The following DOP1A variants were observed in gnomAD, a reference collection of about 807,000 sequenced individuals.
The protein encoded by DOP1A is protein DOP1A.
In DOP1A, 90 loss-of-function variants were observed where a neutral mutation model predicts 267.6. The observed-to-expected ratio is 0.34, with a 90% CI of 0.28 to 0.40. The LOEUF (loss-of-function observed/expected upper bound fraction) is 0.40, where lower values mean the gene tolerates loss of function less well. Ranked by LOEUF, DOP1A falls within the 10% of genes least tolerant of loss-of-function variation. The pLI is 1.00. For synonymous variants in DOP1A, 932 were observed against 999.1 expected, an observed-to-expected ratio of 0.93 and a Z score of 1.27; for missense variants, 2,437 against 2,900.4, an observed-to-expected ratio of 0.84 and a Z score of 3.67.
intron 7 of DOP1A, among the ~76,000 whole-genome samples, chr6:83,117,330 T>C (rs1352565082): frequency 6.6e-6 from 1 of 151,794 alleles, no homozygotes. Context: ...TTTTGTAATT[T>C]TAGTAGAGAT....
At chr6:83,128,799 T>G in intron 15 of DOP1A, 88 bp from the exon 16 acceptor site, 1 of 1,440,514 alleles carries the variant, frequency 6.9e-7, no homozygotes, top group Non-Finnish European at 9.2e-7. Flanking sequence ...TTGTGAATAG[T>G]CTAAAACATC....
intron 17 of DOP1A, among the ~76,000 whole-genome samples, chr6:83,131,272 C>T (rs1583044505): frequency 6.6e-6 from 1 of 151,938 alleles, no homozygotes; most frequent in South Asian, 2.1e-4. Flanking sequence ...GTTTAAAAAT[C>T]TGATTTCAAG....
In DOP1A at chr6:83,133,741, A is replaced by T. The variant is rs113868190; in HGVS notation, c.2770-446A>T. ...ATTTTTGAGTCAAACCAGCTTTATA[A>T]GTGATGAAAAACTCATTTGGGATTA... On this transcript the variant is annotated intron_variant, in intron 18 of 38. Transcript: ENST00000349129. Among the ~76,000 whole-genome samples, 402 of 152,218 alleles carry T rather than the reference A, an allele frequency of 2.6e-3. 2 individuals carry two copies. The highest frequency in any genetic ancestry group is 9.3e-3 in the African/African-American group (385 of 41,552).
At chr6:83,107,617 G>A (rs1290632052) in intron 4 of DOP1A, among the ~76,000 whole-genome samples, 2 of 152,204 alleles carry the variant, frequency 1.3e-5, no homozygotes, top group African/African-American at 4.8e-5. Context: ...AGAATGATAA[G>A]TGTTTTAGTA....
chr6:83,093,784 T>C (rs58212160), intron 1 of DOP1A, among the ~76,000 whole-genome samples: 2,400 of 152,226 alleles, frequency 0.016, 77 homozygotes, highest in African/African-American at 0.054. Context: ...CAGGTGCCTG[T>C]AATCCCAGCT....
chr6:83,079,566 G>GT (rs1767719653), intron 1 of DOP1A, among the ~76,000 whole-genome samples: 1 of 152,086 alleles, frequency 6.6e-6, no homozygotes, highest in African/African-American at 2.4e-5. Context: ...CAACTCTGTA[G>GT]TAAGTTAATA....
chr6:83,140,584 T>C (rs769602516), intron 23 of DOP1A, among the ~76,000 whole-genome samples, 181 bp downstream of exon 23: 4 of 152,194 alleles, frequency 2.6e-5, no homozygotes, highest in Non-Finnish European at 5.9e-5. Context: ...TTTTTAAGTA[T>C]ACAATTCAGT....
intron 21 of DOP1A, among the ~76,000 whole-genome samples, chr6:83,139,678 C>T (rs1164130026): frequency 6.6e-6 from 1 of 152,066 alleles, no homozygotes; most frequent in African/African-American, 2.4e-5. Context: ...TTAGTTTCTA[C>T]ATGTAAAATA....
chr6:83,068,425 G>A (rs1029917659), intron 1 of DOP1A, among the ~76,000 whole-genome samples: 1 of 152,178 alleles, frequency 6.6e-6, no homozygotes, highest in East Asian at 1.9e-4. Flanking sequence ...TACCCTGAGG[G>A]GGGCGGGGAA....
At chr6:83,112,970 A>G (rs1056474963) in intron 6 of DOP1A, among the ~76,000 whole-genome samples, 2 of 152,212 alleles carry the variant, frequency 1.3e-5, no homozygotes, top group African/African-American at 4.8e-5. Context: ...CCATTAAGAA[A>G]TGAAGCTCTT....
Position 83,122,848 on chromosome 6 carries a change from TTTCTC to T in DOP1A, c.1221-12_1221-8del. On this transcript the variant is annotated splice_polypyrimidine_tract_variant and intron_variant, in intron 11 of 38. Transcript: ENST00000349129. ...TAATATTTTTTAGTTTTTGTTTTCT[TTTCTC>T]TTTTTTCAGTAAATTAAGAGAAAAT... 1 of 1,440,410 alleles carries T rather than the reference TTTCTC, an allele frequency of 6.9e-7. No homozygotes were observed. Among genetic ancestry groups the T allele is most frequent in the Non-Finnish European group, 9.2e-7 (1 of 1,091,516 alleles). The allele number at this position is 1,440,410 out of a possible 1,614,324, so 89.2% of individuals were successfully genotyped here.
intron 10 of DOP1A, 35 bp from the exon 11 acceptor site, chr6:83,121,894 AT>A (rs1332630755): frequency 5.7e-6 from 9 of 1,580,482 alleles, no homozygotes; most frequent in Non-Finnish European, 6.9e-6. Context: ...GCTCATGCTG[AT>A]TAATTACTGT....
At position 83,137,527 on chromosome 6, in the gene DOP1A, G is replaced by A; in HGVS notation, c.3485G>A (p.Ser1162Asn). ...TTTGACCTGATATGTAAAGTTGTAA[G>A]TGGCCTCGAAGTGGAATCTGCATCA... ...VVFDLICKVV[S>N]GLEVESASVT... The change falls in exon 21 of 39, where the codon AGT (serine) becomes AAT (asparagine). Residue 1162 changes from serine to asparagine, a missense_variant. By Grantham distance (46) the Ser-to-Asn change is conservative. This residue lies in a region of DOP1A where 878 missense variants were observed against 992.9 expected (regional missense o/e 0.88). Transcript: ENST00000349129. 6.2e-7 allele frequency: 1 copy of A among 1,613,822 alleles called. No homozygotes were observed. Among genetic ancestry groups the A allele is most frequent in the Non-Finnish European group, 8.5e-7 (1 of 1,179,860 alleles).
rs111581421 is a variant in DOP1A at position 83,131,653 on chromosome 6, A to G, written c.2617-523A>G. ...TCTGGGCCCTGCAGAAAACATTTAC[A>G]TGTCTGATTTTTTTTTTTTCGAGAT... On this transcript the variant is annotated intron_variant, in intron 17 of 38. Coordinates refer to ENST00000349129, the MANE Select transcript of DOP1A (RefSeq NM_015018.4). Among the ~76,000 whole-genome samples the G allele has an allele frequency of 1.6e-3, 244 of 151,766 alleles. 3 individuals carry two copies. The highest frequency in any genetic ancestry group is 1.1e-3 in the Non-Finnish European group (78 of 67,922).
In DOP1A at chr6:83,125,747, T is replaced by C; in HGVS notation, c.1719+14T>C. 6.3e-7 allele frequency: 1 copy of C among 1,595,898 alleles called. No individual in the cohort carries two copies. Among genetic ancestry groups the C allele is most frequent in the Non-Finnish European group, 8.6e-7 (1 of 1,165,270 alleles). On this transcript the variant is annotated intron_variant, in intron 15 of 38. Transcript: ENST00000349129. Reference sequence around the variant, plus strand: ...GAAGACAAAAAGGTAATTTTAACTATTATTTTTGGTATTAGACTGTTCATA... The same window carrying C: ...GAAGACAAAAAGGTAATTTTAACTACTATTTTTGGTATTAGACTGTTCATA...
chr6:83,154,835 TAGC>T (rs1368684177), intron 33 of DOP1A, among the ~76,000 whole-genome samples: 3 of 152,310 alleles, frequency 2.0e-5, no homozygotes, highest in African/African-American at 4.8e-5. Context: ...AGTTATTAAA[TAGC>T]AGTAACATTG....
chr6:83,145,207 A>ATATATATTTAAAAGTATATATATATAAT lies in DOP1A; in HGVS notation c.5542-317_5542-316insTATATATTTAAAAGTATATATATATAAT, dbSNP rs372648555. ...TATATATATAATATATATATATAAT[A>ATATATATTTAAAAGTATATATATATAAT]ATATATATATATATAATATATATAT... is the stretch of plus-strand genomic sequence containing the variant. On this transcript the variant is annotated intron_variant, in intron 24 of 38. Transcript: ENST00000349129. Among the ~76,000 whole-genome samples, 19 of 2,794 alleles carry ATATATATTTAAAAGTATATATATATAAT rather than the reference A, an allele frequency of 6.8e-3. 2 individuals carry two copies. The highest frequency in any genetic ancestry group is 0.029 in the African/African-American group (18 of 626). The allele number at this position is 2,794 out of a possible 152,430, so 1.8% of individuals were successfully genotyped here.
rs563183935 is a variant in DOP1A at position 83,099,429 on chromosome 6, G to C, written c.139-1276G>C. On this transcript the variant is annotated intron_variant, in intron 3 of 38. Coordinates refer to ENST00000349129, the MANE Select transcript of DOP1A (RefSeq NM_015018.4). ...ATCTAAAAGTACAAGTTTGCTTAAAGGTAGTTAGGTTCTTTTTTTTCCTAA... is the reference window on the plus strand; with the variant it reads ...ATCTAAAAGTACAAGTTTGCTTAAACGTAGTTAGGTTCTTTTTTTTCCTAA... Among the ~76,000 whole-genome samples, 108 of 152,224 alleles carry C rather than the reference G, an allele frequency of 7.1e-4. 1 individual carries two copies. The highest frequency in any genetic ancestry group is 1.1e-3 in the Non-Finnish European group (76 of 68,018).
At chr6:83,126,581 G>A (rs1777195039) in intron 15 of DOP1A, among the ~76,000 whole-genome samples, 1 of 152,104 alleles carries the variant, frequency 6.6e-6, no homozygotes, top group African/African-American at 2.4e-5. Context: ...AGTGTACAAA[G>A]GAAAATAATC....
Sources: allele counts gnomAD v4.1 joint callset (sites outside exome capture counted in the v4.1 genomes callset), GRCh38; gene constraint gnomAD v4.1.1; regional missense constraint gnomAD v4.1.1; transcripts MANE v1.5; gene names NCBI Gene and HGNC (gene_info 2026-07-23, HGNC 2026-07-21).